MED13L: variants seen among roughly 807,000 people sequenced by gnomAD.
MED13L encodes the protein mediator of RNA polymerase II transcription subunit 13-like.
Under a neutral mutation model 220.9 loss-of-function variants are expected in MED13L, and 7 were observed. The ratio of observed to expected loss-of-function variants is 0.03; its 90% confidence interval spans 0.02 to 0.06. MED13L has a LOEUF of 0.06. Ranked by LOEUF, MED13L falls within the 10% of genes least tolerant of loss-of-function variation. The probability of loss-of-function intolerance (pLI) is 1.00; values close to 1 mark genes in which losing one functional copy is unlikely to be tolerated. For missense variants in MED13L, 1,965 were observed against 2,760.5 expected, an observed-to-expected ratio of 0.71 and a Z score of 6.46; for synonymous variants, 1,011 against 1,015.2, an observed-to-expected ratio of 1.00 and a Z score of 0.08.
rs147622206 is a variant in MED13L at position 116,221,911 on chromosome 12, T to G, written c.310+15557A>C. 3.3e-5 allele frequency among the ~76,000 whole-genome samples: 5 copies of G among 152,278 alleles called. No homozygotes were observed. In the East Asian group the frequency reaches 9.7e-4, roughly 29 times the overall value. ...TAAGGAGCAAGGGCATAAATAATTA[T>G]AATCATTCTTGCACAGCCAAAGACA... On this transcript the variant is annotated intron_variant, in intron 2 of 30. Transcript: ENST00000281928.
At chr12:116,223,937 A>C (rs905998399) in intron 2 of MED13L, among the ~76,000 whole-genome samples, 2 of 152,168 alleles carry the variant, frequency 1.3e-5, no homozygotes, top group African/African-American at 4.8e-5. Context: ...TAATCTTTAC[A>C]CAAACTTCTA....
chr12:116,022,699 CGT>C (rs1880132977), intron 4 of MED13L, 98 bp from the exon 5 acceptor site: 1 of 1,304,980 alleles, frequency 7.7e-7, no homozygotes, highest in African/African-American at 1.5e-5. Context: ...CTTTATCAAC[CGT>C]CCAGTAAGGC....
At chr12:116,054,661 T>A (rs1048863669) in intron 4 of MED13L, among the ~76,000 whole-genome samples, 4 of 152,154 alleles carry the variant, frequency 2.6e-5, no homozygotes, top group African/African-American at 9.7e-5. Context: ...GATACAATCA[T>A]CAGTAAAAAG....
chr12:116,120,471 TCTCTCTCACACACACACA>T (rs1226981202), intron 2 of MED13L, among the ~76,000 whole-genome samples: 7 of 114,582 alleles, frequency 6.1e-5, no homozygotes, highest in African/African-American at 9.8e-5. Context: ...TCTCTCTCTC[TCTCTCTCACACACACACA>T]CACACACACA....
At chr12:116,053,964 A>C (rs1463911403) in intron 4 of MED13L, among the ~76,000 whole-genome samples, 1 of 152,116 alleles carries the variant, frequency 6.6e-6, no homozygotes, top group East Asian at 1.9e-4. Flanking sequence ...CTGATAATCA[A>C]ACCTCGGCTT....
At chr12:116,111,664 G>A (rs1384241565) in intron 2 of MED13L, 152 bp from the exon 3 acceptor site, 1 of 673,900 alleles carries the variant, frequency 1.5e-6, no homozygotes, top group Non-Finnish European at 2.5e-6. Context: ...TGGAATTTAA[G>A]TATTTGCCCA....
chr12:115,963,543 A>AC, intron 29 of MED13L, 24 bp from the exon 30 acceptor site: 2 of 1,544,124 alleles, frequency 1.3e-6, no homozygotes, highest in Non-Finnish European at 1.8e-6. Flanking sequence ...AAAGAGAGTT[A>AC]CCTCTCTGGT....
chr12:116,260,586 T>C (rs915205979), intron 1 of MED13L, among the ~76,000 whole-genome samples: 2 of 152,120 alleles, frequency 1.3e-5, no homozygotes, highest in Admixed American at 1.3e-4. Context: ...GAAAGCTAAG[T>C]GTCACGGAAA....
intron 2 of MED13L, among the ~76,000 whole-genome samples, chr12:116,170,166 C>T (rs138937637): frequency 6.6e-6 from 1 of 152,196 alleles, no homozygotes; most frequent in Non-Finnish European, 1.5e-5. Flanking sequence ...TATGTTGACA[C>T]ATTTTACCAA....
chr12:116,199,020 T>C (rs1383414885), intron 2 of MED13L, among the ~76,000 whole-genome samples: 4 of 152,178 alleles, frequency 2.6e-5, no homozygotes, highest in Non-Finnish European at 5.9e-5. Flanking sequence ...TGTCTACAGG[T>C]GGGCACACTG....
intron 3 of MED13L, chr12:116,110,371 AAAT>A (rs1873976030): frequency 1.3e-5 from 2 of 150,750 alleles, no homozygotes; most frequent in Admixed American, 1.3e-4. Flanking sequence ...ATAAATAAAT[AAAT>A]AAATAAATAA....
intron 4 of MED13L, 55 bp downstream of exon 4, chr12:116,096,614 C>T: frequency 2.3e-6 from 3 of 1,280,480 alleles, no homozygotes; most frequent in African/African-American, 1.5e-5. Context: ...ATAAGCTGTT[C>T]ACCCACCCAC....
At chr12:116,174,515 A>G (rs940926507) in intron 2 of MED13L, 1 of 152,076 alleles carries the variant, frequency 6.6e-6, no homozygotes, top group African/African-American at 2.4e-5. Flanking sequence ...GGAAAAACAA[A>G]AAAGGTTTGG....
chr12:116,256,528 T>C (rs1484252585), intron 1 of MED13L, among the ~76,000 whole-genome samples: 2 of 152,056 alleles, frequency 1.3e-5, no homozygotes, highest in Non-Finnish European at 2.9e-5. Flanking sequence ...ATTTCAGTGG[T>C]TTCACAGATA....
chr12:116,269,461 C>A (rs1185411085), intron 1 of MED13L, among the ~76,000 whole-genome samples: 13 of 79,262 alleles, frequency 1.6e-4, no homozygotes, highest in South Asian at 4.2e-4. Flanking sequence ...CAAATTTAAA[C>A]TATGCAAAAA....
rs117387563 is a variant in MED13L at position 116,092,808 on chromosome 12, A to T, written c.479+3861T>A. Reference sequence around the variant, plus strand: ...GTGTGCACATGTGCTATCAGCACATACAAAAGTAATTAGAATATCTGAAAA... The same window carrying T: ...GTGTGCACATGTGCTATCAGCACATTCAAAAGTAATTAGAATATCTGAAAA... On this transcript the variant is annotated intron_variant, in intron 4 of 30. Coordinates refer to ENST00000281928, the MANE Select transcript of MED13L (RefSeq NM_015335.5). Among the ~76,000 whole-genome samples, 1,367 of 152,252 alleles carry T rather than the reference A, an allele frequency of 9.0e-3. 9 individuals carry two copies. The highest frequency in any genetic ancestry group is 0.014 in the Non-Finnish European group (963 of 67,992).
intron 2 of MED13L, among the ~76,000 whole-genome samples, chr12:116,113,170 C>A (rs1874224341): frequency 6.6e-6 from 1 of 152,284 alleles, no homozygotes; most frequent in East Asian, 1.9e-4. Context: ...CACTCTTCAA[C>A]CCAGTCACTG....
intron 2 of MED13L, among the ~76,000 whole-genome samples, chr12:116,180,985 C>A (rs1406279598): frequency 3.4e-5 from 5 of 146,246 alleles, no homozygotes; most frequent in South Asian, 2.1e-4. Context: ...GGCTGGAGTG[C>A]GGTGGCATGA....
At chr12:116,252,057 TGAAAAA>T (rs1259830133) in intron 1 of MED13L, among the ~76,000 whole-genome samples, 1 of 151,740 alleles carries the variant, frequency 6.6e-6, no homozygotes, top group African/African-American at 2.4e-5. Context: ...GAAAAACATC[TGAAAAA>T]GAAAAACAGA....
Sources: allele counts gnomAD v4.1 joint callset (sites outside exome capture counted in the v4.1 genomes callset), GRCh38; gene constraint gnomAD v4.1.1; transcripts MANE v1.5; gene names NCBI Gene and HGNC (gene_info 2026-07-23, HGNC 2026-07-21).